The following BCAS3 variants were observed in gnomAD, a reference collection of about 807,000 sequenced individuals.
BCAS3 encodes the protein BCAS4/BCAS3 fusion.
Under a neutral mutation model 116.1 loss-of-function variants are expected in BCAS3, and 53 were observed. The observed-to-expected ratio is 0.46, with a 90% CI of 0.37 to 0.57. BCAS3 has a LOEUF of 0.57. Among genes scored for constraint, BCAS3 ranks in the 20% least tolerant of loss-of-function variants. The pLI is 0.00. For synonymous variants in BCAS3, 391 were observed against 408.2 expected (o/e 0.96, Z 0.51); for missense variants, 917 against 1,165.4 (o/e 0.79, Z 3.10).
At chr17:60,926,508 A>G (rs2059371572) in intron 13 of BCAS3, among the ~76,000 whole-genome samples, 1 of 152,152 alleles carries the variant, frequency 6.6e-6, no homozygotes, top group Non-Finnish European at 1.5e-5. Flanking sequence ...AGGGAACAGG[A>G]TTTTTATAGT....
At chr17:61,187,253 C>G (rs942144695) in intron 22 of BCAS3, among the ~76,000 whole-genome samples, 3 of 152,214 alleles carry the variant, frequency 2.0e-5, no homozygotes, top group Admixed American at 6.5e-5. Flanking sequence ...AAAATACTCT[C>G]AGCATGAGGC....
chr17:60,695,326 G>T (rs1029129419), intron 4 of BCAS3, among the ~76,000 whole-genome samples: 11 of 151,896 alleles, frequency 7.2e-5, no homozygotes, highest in Non-Finnish European at 1.5e-4. Context: ...CATCATGTTG[G>T]CCAGGATGGT....
In BCAS3 at chr17:61,249,732, G is replaced by A. The variant is rs2048230566; in HGVS notation, c.2426-118595G>A. On this transcript the variant is annotated intron_variant, in intron 22 of 23. Transcript: ENST00000407086. This position sits in a 1 kb window ranked among gnomAD's most constrained non-coding sequence, Gnocchi z 6.2. ...CATGGTCACAGGAGTTATTTCCAAG[G>A]ATGTTTAAGTAGCTGCTCTCTGCCC... Among the ~76,000 whole-genome samples the A allele has an allele frequency of 6.6e-6, 1 of 151,756 alleles. No homozygotes were observed. Among genetic ancestry groups the A allele is most frequent in the Non-Finnish European group, 1.5e-5 (1 of 68,016 alleles).
Position 61,037,957 on chromosome 17 carries a change from A to G in BCAS3, c.1831A>G (p.Met611Val), listed in dbSNP as rs1289627189. 2 of 1,613,994 alleles carry G rather than the reference A, an allele frequency of 1.2e-6. No homozygotes were observed. Among genetic ancestry groups the G allele is most frequent in the Non-Finnish European group, 1.7e-6 (2 of 1,179,966 alleles). The change falls in exon 18 of 24, where the codon ATG (methionine) becomes GTG (valine). Residue 611 changes from methionine to valine, a missense_variant. Coordinates refer to ENST00000407086, the MANE Select transcript of BCAS3 (RefSeq NM_017679.5). The surrounding 1 kb of genome is among the most constrained non-coding windows in gnomAD (Gnocchi z 4.7). ...ISCYGTLVEH[M>V]MEPRPLSTAP... ...TTGCTATGGCACCTTAGTGGAACAC[A>G]TGATGGAGCCGCGACCCCTCAGCAC...
chr17:60,987,775 A>G (rs1465657872), intron 14 of BCAS3, among the ~76,000 whole-genome samples: 1 of 152,090 alleles, frequency 6.6e-6, no homozygotes, highest in Non-Finnish European at 1.5e-5. Flanking sequence ...ATGATCTGCA[A>G]ACGAGGCTCA....
Position 61,347,316 on chromosome 17 carries a change from A to C in BCAS3, c.2426-21011A>C, listed in dbSNP as rs1373541120. The stretch of plus-strand genomic sequence containing the variant: ...AGGCTGGTCTCGATATGCTGACCTC[A>C]GGTGATCCACCCACCTCAGCCTCCC... On this transcript the variant is annotated intron_variant, in intron 22 of 23. Coordinates refer to ENST00000407086, the MANE Select transcript of BCAS3 (RefSeq NM_017679.5). The surrounding 1 kb of genome is among the most constrained non-coding windows in gnomAD (Gnocchi z 4.3). Among the ~76,000 whole-genome samples the C allele has an allele frequency of 6.6e-6, 1 of 152,126 alleles. No homozygotes were observed. The highest frequency in any genetic ancestry group is 2.4e-5 in the African/African-American group (1 of 41,426).
chr17:60,688,827 AAAAG>A (rs1309050830), intron 3 of BCAS3: 54 of 152,470 alleles, frequency 3.5e-4, no homozygotes, highest in African/African-American at 1.1e-3. Context: ...AAAAAAAAAA[AAAAG>A]AAAGAAAAAA....
At chr17:61,069,961 G>T (rs2071166948) in intron 19 of BCAS3, 4 of 1,573,916 alleles carry the variant, frequency 2.5e-6, no homozygotes, top group Non-Finnish European at 2.6e-6. Flanking sequence ...AGTGTTGAAA[G>T]GTGTCCACAG....
chr17:60,829,274 C>A (rs1054980715), intron 7 of BCAS3, among the ~76,000 whole-genome samples: 1 of 151,950 alleles, frequency 6.6e-6, no homozygotes, highest in Non-Finnish European at 1.5e-5. Context: ...GTGGGTGGAT[C>A]ATGAGGTCAG....
At chr17:60,822,192 A>C (rs927316694) in intron 7 of BCAS3, among the ~76,000 whole-genome samples, 4 of 152,230 alleles carry the variant, frequency 2.6e-5, no homozygotes, top group Non-Finnish European at 4.4e-5. Flanking sequence ...ACAATTTTAC[A>C]TCTACAAGTG....
intron 4 of BCAS3, among the ~76,000 whole-genome samples, chr17:60,694,036 C>T (rs1465627880): frequency 6.6e-6 from 1 of 150,850 alleles, no homozygotes; most frequent in Non-Finnish European, 1.5e-5. Context: ...CAGGCACCTG[C>T]CACCATGCCC....
chr17:60,698,794 G>A (rs769655814), intron 4 of BCAS3, among the ~76,000 whole-genome samples: 2 of 152,192 alleles, frequency 1.3e-5, no homozygotes, highest in African/African-American at 4.8e-5. Context: ...AGTGGCTCAC[G>A]CCTGTAATCC....
chr17:60,720,894 T>G (rs1349456914), intron 5 of BCAS3, among the ~76,000 whole-genome samples: 1 of 152,196 alleles, frequency 6.6e-6, no homozygotes, highest in Non-Finnish European at 1.5e-5. Context: ...GTATTTGTAG[T>G]GTTTTCTTGG....
At chr17:61,125,934 GGAA>G (rs1447676928) in intron 22 of BCAS3, among the ~76,000 whole-genome samples, 10 of 152,154 alleles carry the variant, frequency 6.6e-5, no homozygotes, top group African/African-American at 2.4e-4. Context: ...AGAATTTCAA[GGAA>G]GAAGTGAAAA....
intron 18 of BCAS3, among the ~76,000 whole-genome samples, chr17:61,038,344 C>T (rs909547206): frequency 6.8e-6 from 1 of 148,106 alleles, no homozygotes; most frequent in Admixed American, 6.8e-5. Flanking sequence ...GTGGCGCGAT[C>T]TCAGCTCAAG....
At position 61,204,946 on chromosome 17, in the gene BCAS3, G is replaced by A. The variant is rs2144301345; in HGVS notation, c.2425+120382G>A. 6.6e-6 allele frequency among the ~76,000 whole-genome samples: 1 copy of A among 152,272 alleles called. No individual in the cohort carries two copies. The highest frequency in any genetic ancestry group is 1.9e-4 in the East Asian group (1 of 5,178). ...ACATACCTGTAGTCCCAGCTACTCA[G>A]GAGGCTGAAGTGGAAGGATCACCTG... On this transcript the variant is annotated intron_variant, in intron 22 of 23. Transcript: ENST00000407086. The surrounding 1 kb of genome is among the most constrained non-coding windows in gnomAD (Gnocchi z 4.2).
At position 61,171,653 on chromosome 17, in the gene BCAS3, G is replaced by T. The variant is rs190788239; in HGVS notation, c.2425+87089G>T. 6.6e-6 allele frequency among the ~76,000 whole-genome samples: 1 copy of T among 151,414 alleles called. No homozygotes were observed. Among genetic ancestry groups the T allele is most frequent in the African/African-American group, 2.4e-5 (1 of 41,148 alleles). ...TATTTTATTTTTTTTTTGAAACAGC[G>T]TCTGTTGCCAAGGCTGATATGCAGT... On this transcript the variant is annotated intron_variant, in intron 22 of 23. Coordinates refer to ENST00000407086, the MANE Select transcript of BCAS3 (RefSeq NM_017679.5). This position sits in a 1 kb window ranked among gnomAD's most constrained non-coding sequence, Gnocchi z 4.1.
At chr17:61,150,337 A>C (rs2077477057) in intron 22 of BCAS3, among the ~76,000 whole-genome samples, 1 of 152,188 alleles carries the variant, frequency 6.6e-6, no homozygotes, top group Non-Finnish European at 1.5e-5. Context: ...TTATGTTTTA[A>C]GTGTTGCCTT....
intron 22 of BCAS3, among the ~76,000 whole-genome samples, chr17:61,311,793 C>G (rs187045013): frequency 4.0e-4 from 61 of 152,232 alleles, no homozygotes; most frequent in East Asian, 2.3e-3. Context: ...ACTCAGGAGG[C>G]TGAGGCAGGA....
Sources: gnomAD v4.1 joint callset for allele counts (sites outside exome capture counted in the v4.1 genomes callset) on GRCh38, gnomAD v4.1.1 for gene constraint, Gnocchi (gnomAD v3.1) non-coding constraint, MANE v1.5 for transcripts, NCBI Gene and HGNC (gene_info 2026-07-23, HGNC 2026-07-21) for gene names.